Variants in CLNK observed in about 807,000 individuals in gnomAD.
CLNK encodes cytokine dependent hematopoietic cell linker.
CLNK carries 74 observed loss-of-function variants against 68.6 expected under a neutral mutation model. The observed-to-expected ratio is 1.08, with a 90% confidence interval of 0.89 to 1.31. CLNK has a LOEUF of 1.31. Ranked by LOEUF, CLNK falls within the 50% of genes most tolerant of loss-of-function variation. The pLI, the probability that CLNK is intolerant of heterozygous loss-of-function variation, is 0.00. For synonymous variants in CLNK, 198 were observed against 172.2 expected (o/e 1.15, Z -1.17); for missense variants, 553 against 515.3 (o/e 1.07, Z -0.71).
At chr4:10,661,033 G>A (rs1724172481) in intron 2 of CLNK, among the ~76,000 whole-genome samples, 1 of 152,106 alleles carries the variant, frequency 6.6e-6, no homozygotes, top group Non-Finnish European at 1.5e-5. Context: ...TACACAGCTG[G>A]GTGTAGGACT....
chr4:10,501,095 A>G (rs1035105320), intron 18 of CLNK, among the ~76,000 whole-genome samples, 161 bp downstream of exon 18: 1 of 152,238 alleles, frequency 6.6e-6, no homozygotes, highest in South Asian at 2.1e-4. Flanking sequence ...CTGGTAGGCC[A>G]AAGTGTAAGA....
intron 16 of CLNK, among the ~76,000 whole-genome samples, chr4:10,512,233 A>ATT (rs199665271): frequency 8.5e-4 from 120 of 141,744 alleles, no homozygotes; most frequent in African/African-American, 2.5e-3. Context: ...AAGGATATGC[A>ATT]TTTTTTTTTT....
At position 10,490,437 on chromosome 4, in the gene CLNK, CAGTAAACCAA is replaced by C; in HGVS notation, c.*20_*29del. 1 of 1,605,480 alleles carries C rather than the reference CAGTAAACCAA, an allele frequency of 6.2e-7. No individual in the cohort carries two copies. The highest frequency in any genetic ancestry group is 2.2e-5 in the East Asian group (1 of 44,796). ...ATGAAAACAATGGAAGCGCTGAATC[CAGTAAACCAA>C]AGATAACACAAAGACCAGGCTACAG... On this transcript the variant is annotated 3_prime_UTR_variant, in exon 19 of 19. Coordinates refer to ENST00000226951, the MANE Select transcript of CLNK (RefSeq NM_052964.4).
chr4:10,580,352 T>A (rs1720732522), intron 4 of CLNK, among the ~76,000 whole-genome samples: 2 of 152,186 alleles, frequency 1.3e-5, no homozygotes, highest in Non-Finnish European at 2.9e-5. Flanking sequence ...CTGGTTTGAG[T>A]GTTTACTATA....
chr4:10,662,498 A>C (rs974660277), intron 2 of CLNK, among the ~76,000 whole-genome samples: 3 of 152,206 alleles, frequency 2.0e-5, no homozygotes, highest in Non-Finnish European at 2.9e-5. Context: ...ACCTCGTTGC[A>C]TGTCAGGTTT....
intron 2 of CLNK, among the ~76,000 whole-genome samples, chr4:10,659,349 G>T (rs1307127558): frequency 6.6e-6 from 1 of 152,114 alleles, no homozygotes; most frequent in African/African-American, 2.4e-5. Context: ...ACATTAAGTC[G>T]CTTAACTTTC....
At chr4:10,493,182 G>T (rs551478837) in intron 18 of CLNK, among the ~76,000 whole-genome samples, 72 of 152,310 alleles carry the variant, frequency 4.7e-4, no homozygotes, top group Non-Finnish European at 1.0e-4. Context: ...GCCGGGCATG[G>T]TGGCATGTGC....
chr4:10,561,505 T>C (rs1719887258), intron 7 of CLNK, among the ~76,000 whole-genome samples: 1 of 152,356 alleles, frequency 6.6e-6, no homozygotes, highest in Admixed American at 6.5e-5. Context: ...ATTGTATTCA[T>C]GAAGGCTTAC....
intron 2 of CLNK, among the ~76,000 whole-genome samples, chr4:10,610,819 C>G (rs943163617): frequency 6.9e-6 from 1 of 145,970 alleles, no homozygotes; most frequent in Admixed American, 6.8e-5. Context: ...CACACACACA[C>G]GTATGAATCC....
chr4:10,527,476 G>T (rs1438704210), intron 13 of CLNK, among the ~76,000 whole-genome samples: 1 of 152,236 alleles, frequency 6.6e-6, no homozygotes, highest in Non-Finnish European at 1.5e-5. Context: ...GTTGAACGAT[G>T]CTGTCTTTTG....
intron 12 of CLNK, 90 bp from the exon 13 acceptor site, chr4:10,528,184 G>T: frequency 1.8e-6 from 1 of 562,230 alleles, no homozygotes; most frequent in South Asian, 7.7e-5. Context: ...GCATTTGGTT[G>T]GCAGACTTTT....
intron 17 of CLNK, 59 bp downstream of exon 17, chr4:10,507,900 G>T: frequency 1.6e-6 from 2 of 1,258,300 alleles, no homozygotes; most frequent in Non-Finnish European, 1.1e-6. Context: ...TGACACATAA[G>T]CAGAGAACCT....
At chr4:10,707,545 T>C in the CLNK span, among the ~76,000 whole-genome samples, 1 of 152,226 alleles carries the variant, frequency 6.6e-6, no homozygotes, top group Non-Finnish European at 1.5e-5. Flanking sequence ...ATACCTTCCA[T>C]GTATTAATTT....
intron 14 of CLNK, among the ~76,000 whole-genome samples, chr4:10,521,286 A>G (rs989259346): frequency 6.6e-6 from 1 of 152,244 alleles, no homozygotes; most frequent in African/African-American, 2.4e-5. Context: ...AAGAAAACTT[A>G]GTGGATTATG....
chr4:10,701,830 T>G, the CLNK span, among the ~76,000 whole-genome samples: 1 of 152,184 alleles, frequency 6.6e-6, no homozygotes, highest in East Asian at 1.9e-4. Context: ...GTAGACAGAC[T>G]CCAGAGTTCA....
At chr4:10,730,793 A>AGT in the CLNK span, among the ~76,000 whole-genome samples, 23 of 152,122 alleles carry the variant, frequency 1.5e-4, no homozygotes, top group African/African-American at 5.3e-4. Context: ...TAACCATTTC[A>AGT]GTGTATGAGG....
At chr4:10,603,213 T>A (rs1203931606) in intron 2 of CLNK, among the ~76,000 whole-genome samples, 1 of 152,216 alleles carries the variant, frequency 6.6e-6, no homozygotes, top group African/African-American at 2.4e-5. Flanking sequence ...TGCTGAGAAA[T>A]CACTAAAATT....
At chr4:10,525,517 A>C (rs1020209297) in intron 14 of CLNK, among the ~76,000 whole-genome samples, 2 of 152,248 alleles carry the variant, frequency 1.3e-5, no homozygotes, top group Admixed American at 6.5e-5. Context: ...TGGTGTGGTC[A>C]TCAACCCTGA....
rs1191282394 is a variant in CLNK at position 10,606,937 on chromosome 4, C to T, written c.12-8888G>A. Among the ~76,000 whole-genome samples the T allele has an allele frequency of 3.3e-5, 5 of 152,228 alleles. No individual in the cohort carries two copies. The East Asian group carries it at 7.7e-4, about 24-fold the overall frequency. On this transcript the variant is annotated intron_variant, in intron 2 of 18. Transcript: ENST00000226951. ...CAGGTAGTAAGCATCTAGGTTGTTG[C>T]GGGTACTGCCCTGGGTGAGCTGATT...
Sources: allele counts gnomAD v4.1 joint callset (sites outside exome capture counted in the v4.1 genomes callset), GRCh38; gene constraint gnomAD v4.1.1; transcripts MANE v1.5; gene names NCBI Gene and HGNC (gene_info 2026-07-23, HGNC 2026-07-21).